NOL4: variants seen among roughly 807,000 people sequenced by gnomAD.
NOL4 encodes nucleolar protein 4.
NOL4 carries 17 observed loss-of-function variants against 75.9 expected under a neutral mutation model. That is an observed-to-expected ratio of 0.22 (90% confidence interval 0.15 to 0.34). The LOEUF is 0.34. NOL4 is among the 10% of genes least tolerant of loss of function. The pLI is 1.00. For missense variants in NOL4, 614 were observed against 793.5 expected (o/e 0.77, Z 2.72); for synonymous variants, 292 against 289.9 (o/e 1.01, Z -0.07).
intron 6 of NOL4, among the ~76,000 whole-genome samples, chr18:34,005,452 C>T: frequency 6.6e-6 from 1 of 151,966 alleles, no homozygotes; most frequent in East Asian, 1.9e-4. Context: ...AACCTGGTGA[C>T]ACTCTTCAGG....
chr18:34,066,969 T>C (rs2077305411), intron 5 of NOL4, among the ~76,000 whole-genome samples: 2 of 152,254 alleles, frequency 1.3e-5, no homozygotes, highest in African/African-American at 2.4e-5. Context: ...AATACCTTTA[T>C]ACGTCAGGCA....
intron 6 of NOL4, among the ~76,000 whole-genome samples, chr18:33,989,314 T>C (rs1212685376): frequency 6.6e-6 from 1 of 151,916 alleles, no homozygotes; most frequent in Non-Finnish European, 1.5e-5. Flanking sequence ...TCCTAGTAAG[T>C]TGAATGGTGG....
At chr18:34,169,591 A>T (rs2032814840) in intron 1 of NOL4, among the ~76,000 whole-genome samples, 2 of 152,142 alleles carry the variant, frequency 1.3e-5, no homozygotes, top group African/African-American at 4.8e-5. Context: ...TATGCCACTT[A>T]CAAAAAATGT....
chr18:33,881,180 G>A (rs1163419173), intron 10 of NOL4, among the ~76,000 whole-genome samples: 1 of 151,052 alleles, frequency 6.6e-6, no homozygotes, highest in East Asian at 1.9e-4. Context: ...TGTTGCTGGT[G>A]TATAAGAATG....
chr18:34,119,281 CAGA>C (rs2080008684), intron 2 of NOL4, among the ~76,000 whole-genome samples: 1 of 152,098 alleles, frequency 6.6e-6, no homozygotes, highest in South Asian at 2.1e-4. Context: ...TGTTAAAGAC[CAGA>C]AGAATTCCTG....
chr18:34,130,019 T>C lies in NOL4; in HGVS notation c.266A>G (p.Asp89Gly). 6.5e-7 allele frequency: 1 copy of C among 1,544,104 alleles called. No homozygotes were observed. Among genetic ancestry groups the C allele is most frequent in the Non-Finnish European group, 8.7e-7 (1 of 1,147,252 alleles). Residue 89 changes from aspartate (D) to glycine (G), a missense_variant and splice_region_variant, in exon 2 of 11, where the codon GAT becomes GGT. Physicochemically the swap from Asp to Gly is moderately conservative, Grantham distance 94. This residue lies in a region of NOL4 where 49 missense variants were observed against 39.6 expected (regional missense o/e 1.24). Coordinates refer to ENST00000261592, the MANE Select transcript of NOL4 (RefSeq NM_003787.5). ...TAGCTTCTCATCTACCCCTACGCCA[T>C]CCTGGAAACAAAACAACAACAACAA... The part of the protein sequence containing the change: ...QVLYVPVKTT[D>G]GVGVDEKLSL...
chr18:34,018,109 G>C (rs1399044911), intron 6 of NOL4, among the ~76,000 whole-genome samples: 1 of 152,166 alleles, frequency 6.6e-6, no homozygotes, highest in African/African-American at 2.4e-5. Context: ...AGCATAGAAA[G>C]AGCATTTCAC....
intron 10 of NOL4, among the ~76,000 whole-genome samples, chr18:33,863,661 T>A (rs998889339): frequency 6.6e-6 from 1 of 152,172 alleles, no homozygotes; most frequent in African/African-American, 2.4e-5. Context: ...AGCTCCCTCA[T>A]GGGCTGGCAT....
intron 10 of NOL4, among the ~76,000 whole-genome samples, chr18:33,878,567 G>T (rs2064069389): frequency 6.6e-6 from 1 of 151,938 alleles, no homozygotes; most frequent in Non-Finnish European, 1.5e-5. Context: ...AAACTATCTA[G>T]CTATATATGA....
At chr18:33,968,881 G>A (rs887219351) in intron 6 of NOL4, among the ~76,000 whole-genome samples, 2 of 152,028 alleles carry the variant, frequency 1.3e-5, no homozygotes, top group Non-Finnish European at 2.9e-5. Flanking sequence ...TTCTTCATAC[G>A]ACAACAGTTA....
At chr18:34,138,377 T>A (rs766300881) in intron 1 of NOL4, among the ~76,000 whole-genome samples, 12 of 152,040 alleles carry the variant, frequency 7.9e-5, no homozygotes, top group Non-Finnish European at 1.8e-4. Flanking sequence ...ATTTCAGCCT[T>A]AGCAACAGGG....
At chr18:33,925,157 C>T (rs2032184) in intron 9 of NOL4, among the ~76,000 whole-genome samples, 149,171 of 152,276 alleles carry the variant, frequency 0.98, 73,086 homozygotes, top group East Asian at 1. Context: ...AATATTAGTA[C>T]GATTATGTAT....
chr18:34,129,465 A>C (rs4368230), intron 2 of NOL4, among the ~76,000 whole-genome samples: 33,388 of 151,534 alleles, frequency 0.22, 4,384 homozygotes, highest in East Asian at 0.44. Flanking sequence ...GAAAATACCT[A>C]AACATATTAA....
At chr18:34,219,590 C>A (rs918714996) in intron 1 of NOL4, among the ~76,000 whole-genome samples, 1 of 152,200 alleles carries the variant, frequency 6.6e-6, no homozygotes, top group East Asian at 1.9e-4. Context: ...ACAGAGTTAC[C>A]ATAGTTAAGT....
intron 1 of NOL4, among the ~76,000 whole-genome samples, chr18:34,141,112 A>C (rs2081135195): frequency 6.6e-6 from 1 of 151,612 alleles, no homozygotes; most frequent in Non-Finnish European, 1.5e-5. Flanking sequence ...AATACCTAGG[A>C]ATCCAACTTA....
chr18:34,084,982 T>C (rs1047140011), intron 5 of NOL4, among the ~76,000 whole-genome samples: 14 of 152,168 alleles, frequency 9.2e-5, no homozygotes, highest in Admixed American at 7.2e-4. Flanking sequence ...CAGCATGGTG[T>C]TCAGTTTACG....
chr18:34,117,527 C>T (rs1373171562), intron 2 of NOL4, among the ~76,000 whole-genome samples: 1 of 152,178 alleles, frequency 6.6e-6, no homozygotes, highest in Non-Finnish European at 1.5e-5. Flanking sequence ...ATACAAGGGT[C>T]AGTCAAGCAC....
intron 9 of NOL4, among the ~76,000 whole-genome samples, chr18:33,928,276 T>G (rs2067466510): frequency 6.6e-6 from 1 of 152,180 alleles, no homozygotes; most frequent in South Asian, 2.1e-4. Flanking sequence ...CTGTCGTAAT[T>G]TAAACCACCT....
At chr18:34,195,926 T>G (rs1219049693) in intron 1 of NOL4, among the ~76,000 whole-genome samples, 1 of 152,188 alleles carries the variant, frequency 6.6e-6, no homozygotes, top group Non-Finnish European at 1.5e-5. Flanking sequence ...TTCATTTTTC[T>G]GTTCTTCAGG....
Sources: gnomAD v4.1 joint callset for allele counts (sites outside exome capture counted in the v4.1 genomes callset) on GRCh38, gnomAD v4.1.1 for gene constraint, gnomAD v4.1.1 regional missense constraint, MANE v1.5 for transcripts, NCBI Gene and HGNC (gene_info 2026-07-23, HGNC 2026-07-21) for gene names.